The following CUX1 variants were observed in gnomAD, a reference collection of about 807,000 sequenced individuals.
CUX1 encodes cut like homeobox 1.
Under a neutral mutation model 158.8 loss-of-function variants are expected in CUX1, and 31 were observed. The observed-to-expected ratio is 0.20, with a 90% confidence interval of 0.15 to 0.26. The LOEUF (loss-of-function observed/expected upper bound fraction) is 0.26, where lower values mean the gene tolerates loss of function less well. Among genes scored for constraint, CUX1 ranks in the 10% least tolerant of loss-of-function variants. CUX1 has a pLI of 1.00. For synonymous variants in CUX1, 879 were observed against 862.1 expected, an observed-to-expected ratio of 1.02 and a Z score of -0.34; for missense variants, 1,589 against 2,014.6, an observed-to-expected ratio of 0.79 and a Z score of 4.04.
intron 14 of CUX1, among the ~76,000 whole-genome samples, chr7:102,267,495 T>C (rs964533910): frequency 6.6e-5 from 10 of 152,022 alleles, no homozygotes; most frequent in Non-Finnish European, 1.2e-4. Flanking sequence ...GATCATACCA[T>C]TGCACTCTAG....
intron 1 of CUX1, among the ~76,000 whole-genome samples, chr7:101,897,079 T>C (rs1801599008): frequency 6.6e-6 from 1 of 152,232 alleles, no homozygotes; most frequent in East Asian, 1.9e-4. Flanking sequence ...CTCCCTCTTA[T>C]TAGGCCTTCC....
chr7:101,858,113 ACT>A (rs1269618239), intron 1 of CUX1, among the ~76,000 whole-genome samples: 1 of 152,118 alleles, frequency 6.6e-6, no homozygotes, highest in African/African-American at 2.4e-5. Flanking sequence ...ACAGAGCGAG[ACT>A]CTGTCTCAAA....
chr7:101,816,453 C>T (rs1791796342), upstream of CUX1, among the ~76,000 whole-genome samples: 1 of 138,958 alleles, frequency 7.2e-6, no homozygotes, highest in Middle Eastern at 4.1e-3. Context: ...GCCGCGGGAC[C>T]GGGGAGGGGG....
At chr7:101,919,845 A>T in intron 2 of CUX1, among the ~76,000 whole-genome samples, 1 of 152,076 alleles carries the variant, frequency 6.6e-6, no homozygotes, top group East Asian at 1.9e-4. Context: ...GTGGCCAGGG[A>T]GGGGTGCTGT....
chr7:101,835,164 C>T (rs1794486972), intron 1 of CUX1, among the ~76,000 whole-genome samples: 1 of 152,124 alleles, frequency 6.6e-6, no homozygotes, highest in Admixed American at 6.6e-5. Flanking sequence ...GTCCTCCCTC[C>T]TGTACCCCCG....
At chr7:102,238,815 C>T (rs427941) in intron 22 of CUX1, among the ~76,000 whole-genome samples, 73,775 of 152,156 alleles carry the variant, frequency 0.48, 20,126 homozygotes, top group East Asian at 0.92. Context: ...CCTGACATTC[C>T]GTCAGAGCAG....
chr7:101,878,003 GTGTT>G (rs1433655236), intron 1 of CUX1, among the ~76,000 whole-genome samples: 1 of 152,150 alleles, frequency 6.6e-6, no homozygotes, highest in African/African-American at 2.4e-5. Flanking sequence ...AGGGACTTAA[GTGTT>G]TGTGAATTTG....
chr7:102,115,415 C>G, intron 8 of CUX1, 142 bp downstream of exon 8: 1 of 660,466 alleles, frequency 1.5e-6, no homozygotes, highest in Non-Finnish European at 2.6e-6. Context: ...TGCGTCGGTT[C>G]AATGCACGTT....
intron 2 of CUX1, among the ~76,000 whole-genome samples, chr7:101,921,266 T>C (rs10267777): frequency 0.23 from 34,269 of 152,062 alleles, 5,629 homozygotes; most frequent in African/African-American, 0.46. Flanking sequence ...TGCACATATG[T>C]GTGTGTACGT....
chr7:102,259,468 A>T (rs561766841), downstream of CUX1, among the ~76,000 whole-genome samples: 9 of 152,100 alleles, frequency 5.9e-5, no homozygotes, highest in Admixed American at 1.3e-4. Context: ...GGTGCCTGTA[A>T]TCCCAGCTAC....
rs375186514 is a variant in CUX1 at position 102,057,137 on chromosome 7, G to A, written c.190-13202G>A. Among the ~76,000 whole-genome samples, 84 of 152,020 alleles carry A rather than the reference G, an allele frequency of 5.5e-4. 1 individual carries two copies. The highest frequency in any genetic ancestry group is 1.8e-3 in the African/African-American group (75 of 41,490). ...AGGATGGTCTCGATCTCCTGACCTCGTGATCCGCCCGCCGCAGCCTCCCAA... is the reference window on the plus strand; with the variant it reads ...AGGATGGTCTCGATCTCCTGACCTCATGATCCGCCCGCCGCAGCCTCCCAA... On this transcript the variant is annotated intron_variant, in intron 3 of 23. Transcript: ENST00000292535.
At chr7:101,884,092 G>A (rs948484592) in intron 1 of CUX1, among the ~76,000 whole-genome samples, 6 of 148,720 alleles carry the variant, frequency 4.0e-5, no homozygotes, top group South Asian at 4.3e-4. Context: ...AGGGGGTCTC[G>A]CTGACTTGCC....
chr7:102,097,580 A>G (rs1482913915), intron 5 of CUX1, 79 bp downstream of exon 5: 9 of 1,417,584 alleles, frequency 6.3e-6, no homozygotes, highest in Non-Finnish European at 8.5e-6. Context: ...CTTTTCCCAT[A>G]CTTTTGAGAC....
intron 2 of CUX1, among the ~76,000 whole-genome samples, chr7:101,987,717 C>G (rs17408612): frequency 0.17 from 25,842 of 152,202 alleles, 2,453 homozygotes; most frequent in Middle Eastern, 0.22. Flanking sequence ...GGCCCTTGGT[C>G]ATCCGAGGGA....
chr7:102,226,218 C>T (rs1011170221), intron 20 of CUX1, among the ~76,000 whole-genome samples: 5 of 152,068 alleles, frequency 3.3e-5, no homozygotes, highest in Non-Finnish European at 7.4e-5. Flanking sequence ...TAGACTCTGG[C>T]TTGTCCACAC....
chr7:102,110,460 G>A (rs565095762), intron 6 of CUX1, among the ~76,000 whole-genome samples: 5 of 152,164 alleles, frequency 3.3e-5, no homozygotes, highest in Admixed American at 2.0e-4. Flanking sequence ...AGCTTGTTAC[G>A]TGTTAGTTCA....
chr7:102,124,226 C>A (rs1007654463), intron 8 of CUX1, among the ~76,000 whole-genome samples: 1 of 152,232 alleles, frequency 6.6e-6, no homozygotes, highest in Admixed American at 6.5e-5. Flanking sequence ...CATGACACAC[C>A]CCTTCCTGCA....
chr7:102,249,122 A>G lies in CUX1; in HGVS notation c.*80A>G. On this transcript the variant is annotated 3_prime_UTR_variant, in exon 24 of 24. Coordinates refer to ENST00000292535, the MANE Select transcript of CUX1 (RefSeq NM_181552.4). ...GTCGGACGGGGCAGGCGCTGCGGAC[A>G]CCGTGGCCTGGGCTTGGCCCGCGGC... 8.5e-7 allele frequency: 1 copy of G among 1,176,350 alleles called. No homozygotes were observed. The highest frequency in any genetic ancestry group is 1.1e-6 in the Non-Finnish European group (1 of 951,140). 72.9% of individuals were successfully genotyped at this position (1,176,350 alleles called of 1,614,324 possible).
At chr7:102,038,732 C>T (rs1199495675) in intron 3 of CUX1, among the ~76,000 whole-genome samples, 1 of 152,050 alleles carries the variant, frequency 6.6e-6, no homozygotes, top group African/African-American at 2.4e-5. Flanking sequence ...GTGGGAGTGG[C>T]GCTTGAGCCC....
Sources: allele counts gnomAD v4.1 joint callset (sites outside exome capture counted in the v4.1 genomes callset), GRCh38; gene constraint gnomAD v4.1.1; transcripts MANE v1.5; gene names NCBI Gene and HGNC (gene_info 2026-07-23, HGNC 2026-07-21).